Variants in PCDH15 observed in about 807,000 individuals in gnomAD.
PCDH15 encodes protocadherin related 15, also known as protocadherin-15.
In PCDH15, 129 loss-of-function variants were observed where a neutral mutation model predicts 178.5. That is an observed-to-expected ratio of 0.72 (90% CI 0.63 to 0.84). The LOEUF is 0.84. Ranked by LOEUF, PCDH15 falls within the 40% of genes least tolerant of loss-of-function variation. PCDH15 has a pLI of 0.00. For missense variants in PCDH15, 2,230 were observed against 2,099.9 expected, an observed-to-expected ratio of 1.06 and a Z score of -1.21; for synonymous variants, 800 against 732.0, an observed-to-expected ratio of 1.09 and a Z score of -1.50.
intron 2 of PCDH15, among the ~76,000 whole-genome samples, chr10:54,986,859 A>C (rs1357254413): frequency 6.6e-6 from 1 of 152,308 alleles, no homozygotes; most frequent in South Asian, 2.1e-4. Flanking sequence ...TAGAGTTATC[A>C]AGCAATAATC....
chr10:54,635,535 T>C (rs1025173828), intron 2 of PCDH15, among the ~76,000 whole-genome samples: 6 of 151,908 alleles, frequency 3.9e-5, no homozygotes, highest in African/African-American at 1.4e-4. Context: ...CTACTCTAAG[T>C]TGTTAATCAC....
intron 2 of PCDH15, among the ~76,000 whole-genome samples, chr10:55,562,789 A>G (rs1842226872): frequency 6.6e-6 from 1 of 152,052 alleles, no homozygotes. Flanking sequence ...CAGTGATGTC[A>G]TTCACGGAAA....
At chr10:54,073,225 G>A (rs1276887237) in intron 17 of PCDH15, among the ~76,000 whole-genome samples, 1 of 150,018 alleles carries the variant, frequency 6.7e-6, no homozygotes, top group East Asian at 1.9e-4. Flanking sequence ...TAGTATACCT[G>A]TATACTATAG....
In PCDH15 at chr10:54,346,302, C is replaced by A. The variant is rs1312201170; in HGVS notation, c.594+63G>T. 9 of 1,504,142 alleles carry A rather than the reference C, an allele frequency of 6.0e-6. No individual in the cohort carries two copies. In the East Asian group the frequency reaches 9.1e-5, roughly 15 times the overall value. The allele number at this position is 1,504,142 out of a possible 1,614,324, so 93.2% of individuals were successfully genotyped here. A position where few individuals can be genotyped will look rare whatever the true frequency, so the allele number is the denominator to read the frequency against. On this transcript the variant is annotated intron_variant, in intron 6 of 37. Transcript: ENST00000644397. ...TACTGAATAATACAATAACTATCAG[C>A]TGAAAAAATCATTAATTTTATTCCT... is the stretch of plus-strand genomic sequence containing the variant.
intron 2 of PCDH15, chr10:54,528,398 C>G: frequency 6.3e-7 from 1 of 1,575,596 alleles, no homozygotes; most frequent in East Asian, 2.3e-5. Flanking sequence ...CCTCATATTG[C>G]CAGTCTGGAG....
chr10:55,264,214 G>A (rs1298237908), intron 1 of PCDH15, among the ~76,000 whole-genome samples: 1 of 152,100 alleles, frequency 6.6e-6, no homozygotes, highest in Non-Finnish European at 1.5e-5. Context: ...TCGATTCCAA[G>A]CTTCTTTTTA....
chr10:53,984,824 A>T (rs1460723887), intron 21 of PCDH15, among the ~76,000 whole-genome samples: 1 of 152,136 alleles, frequency 6.6e-6, no homozygotes, highest in Non-Finnish European at 1.5e-5. Context: ...TTTATGGTAC[A>T]TTGTATTATA....
At chr10:55,102,649 G>T (rs1842599612) in intron 2 of PCDH15, among the ~76,000 whole-genome samples, 2 of 152,072 alleles carry the variant, frequency 1.3e-5, no homozygotes, top group African/African-American at 4.8e-5. Flanking sequence ...GGATAAGGGA[G>T]AAATTACAGT....
intron 3 of PCDH15, among the ~76,000 whole-genome samples, chr10:54,410,602 T>C (rs967477716): frequency 1.3e-5 from 2 of 152,142 alleles, no homozygotes; most frequent in African/African-American, 4.8e-5. Context: ...TTGGAATAAA[T>C]TACATGGAGT....
intron 2 of PCDH15, among the ~76,000 whole-genome samples, chr10:55,459,969 T>G (rs1387352982): frequency 6.6e-6 from 1 of 151,942 alleles, no homozygotes; most frequent in Non-Finnish European, 1.5e-5. Context: ...GAATGGTAAC[T>G]GCAATCATAA....
chr10:54,518,642 G>A (rs1039467055), intron 3 of PCDH15, among the ~76,000 whole-genome samples: 8 of 152,168 alleles, frequency 5.3e-5, no homozygotes, highest in African/African-American at 1.4e-4. Flanking sequence ...ACAAGGAGGA[G>A]CTGGTACCAT....
intron 7 of PCDH15, among the ~76,000 whole-genome samples, chr10:54,324,140 C>G (rs1042210904): frequency 2.0e-5 from 3 of 151,992 alleles, no homozygotes; most frequent in Non-Finnish European, 4.4e-5. Context: ...TTCCACACAT[C>G]AGTAGGAAGC....
At chr10:55,301,938 A>C (rs1452159514) in intron 1 of PCDH15, among the ~76,000 whole-genome samples, 1 of 152,170 alleles carries the variant, frequency 6.6e-6, no homozygotes, top group Non-Finnish European at 1.5e-5. Flanking sequence ...TGTTTTATTG[A>C]ACTATATGTC....
chr10:55,409,214 G>A lies in PCDH15; in HGVS notation c.-156+218411C>T, dbSNP rs190960836. Among the ~76,000 whole-genome samples the A allele has an allele frequency of 2.6e-4, 39 of 152,142 alleles. No individual in the cohort carries two copies. The East Asian group carries it at 6.6e-3, about 26-fold the overall frequency. On this transcript the variant is annotated intron_variant, in intron 2 of 5. Coordinates refer to the PCDH15 transcript ENST00000613346. ...ACATCTCTATGTGTATACATAAAAA[G>A]TGCCTCAGATTTCACATTGCCCCGG...
intron 3 of PCDH15, among the ~76,000 whole-genome samples, chr10:54,860,277 T>C (rs1953816069): frequency 1.3e-5 from 2 of 152,080 alleles, no homozygotes; most frequent in Non-Finnish European, 1.5e-5. Flanking sequence ...CAGTAGGTAG[T>C]TTTTCAGCCC....
At chr10:55,502,544 G>C (rs898424614) in intron 2 of PCDH15, among the ~76,000 whole-genome samples, 4 of 151,580 alleles carry the variant, frequency 2.6e-5, no homozygotes, top group African/African-American at 9.7e-5. Flanking sequence ...GATAAAGTTT[G>C]TTTTCACACT....
intron 14 of PCDH15, among the ~76,000 whole-genome samples, chr10:54,144,589 A>G (rs749290323): frequency 4.0e-5 from 6 of 151,784 alleles, no homozygotes; most frequent in Non-Finnish European, 7.4e-5. Flanking sequence ...GGTCGGGAGG[A>G]TGGACTTGAG....
chr10:54,036,987 A>G (rs2093431563), intron 18 of PCDH15, among the ~76,000 whole-genome samples: 1 of 151,928 alleles, frequency 6.6e-6, no homozygotes, highest in Non-Finnish European at 1.5e-5. Context: ...TTAAGACTTC[A>G]GTTGGATGAA....
intron 3 of PCDH15, among the ~76,000 whole-genome samples, chr10:54,825,404 G>C (rs1175695752): frequency 6.8e-6 from 1 of 147,346 alleles, no homozygotes; most frequent in Non-Finnish European, 1.5e-5. Flanking sequence ...TGGGATGGCT[G>C]GGTCAAATGG....
Sources: allele counts gnomAD v4.1 joint callset (sites outside exome capture counted in the v4.1 genomes callset), GRCh38; gene constraint gnomAD v4.1.1; transcripts MANE v1.5; gene names NCBI Gene and HGNC (gene_info 2026-07-23, HGNC 2026-07-21).